The following COBLL1 variants were observed in gnomAD, a reference collection of about 807,000 sequenced individuals.
COBLL1 encodes cordon-bleu WH2 repeat protein like 1.
In COBLL1, 50 loss-of-function variants were observed where a neutral mutation model predicts 94.8. The observed-to-expected ratio is 0.53, with a 90% CI of 0.42 to 0.67. The LOEUF (loss-of-function observed/expected upper bound fraction) is 0.67, where lower values mean the gene tolerates loss of function less well. COBLL1 is among the 30% of genes least tolerant of loss of function. The probability of loss-of-function intolerance (pLI) is 0.00; values close to 1 mark genes in which losing one functional copy is unlikely to be tolerated. For synonymous variants in COBLL1, 448 were observed against 473.8 expected (o/e 0.95, Z 0.71); for missense variants, 1,362 against 1,348.7 (o/e 1.01, Z -0.15).
chr2:164,727,985 C>T lies in COBLL1; in HGVS notation c.645G>A (p.Ala215=), dbSNP rs1335545333. 1.7e-5 allele frequency: 27 copies of T among 1,605,378 alleles called. No homozygotes were observed. The highest frequency in any genetic ancestry group is 8.3e-5 in the Admixed American group (5 of 59,952). The change falls in exon 5 of 14, where the codon GCG becomes GCA. Residue 215 remains alanine (A), a synonymous_variant. Coordinates refer to ENST00000652658, the MANE Select transcript of COBLL1 (RefSeq NM_001365672.2). ...CTTACTTACCTCTGTTGACATCCAT[C>T]GCATATAATTCTCTTAGTCCCAGGT... ...LNDLGLRELY[A]MDVNRESCQI... is the part of the protein sequence containing the mutation.
chr2:164,726,188 T>G (rs767680461), intron 5 of COBLL1, among the ~76,000 whole-genome samples: 4 of 152,170 alleles, frequency 2.6e-5, no homozygotes, highest in South Asian at 4.1e-4. Context: ...ATTATGCAGA[T>G]AGAGAGTGGC....
intron 2 of COBLL1, among the ~76,000 whole-genome samples, chr2:164,752,891 G>A (rs411069): frequency 0.22 from 33,459 of 152,030 alleles, 4,111 homozygotes; most frequent in African/African-American, 0.33. Context: ...TACAGGTATT[G>A]AACAAGATGA....
At chr2:164,818,574 A>G (rs917764814) in intron 2 of COBLL1, among the ~76,000 whole-genome samples, 1 of 148,668 alleles carries the variant, frequency 6.7e-6, no homozygotes, top group Non-Finnish European at 1.5e-5. Flanking sequence ...TATATAGCAT[A>G]TATGTACATA....
At chr2:164,831,722 G>T (rs1254994250) in intron 2 of COBLL1, among the ~76,000 whole-genome samples, 1 of 151,862 alleles carries the variant, frequency 6.6e-6, no homozygotes, top group African/African-American at 2.4e-5. Context: ...CACAGACCAG[G>T]AAATACAGGT....
intron 7 of COBLL1, among the ~76,000 whole-genome samples, chr2:164,716,466 A>G (rs1031222828): frequency 1.3e-5 from 2 of 152,204 alleles, no homozygotes; most frequent in Non-Finnish European, 2.9e-5. Flanking sequence ...TTCATAGAAG[A>G]TGATATATTC....
Position 164,733,143 on chromosome 2 carries a change from G to A in COBLL1, c.231-3028C>T, listed in dbSNP as rs59974719. The stretch of plus-strand genomic sequence containing the variant: ...CTATTTTTGTGCCATAATTTTCATC[G>A]TTTATGTATAAACATATAAACATTT... On this transcript the variant is annotated intron_variant, in intron 3 of 13. Transcript: ENST00000652658. 3.9e-3 allele frequency among the ~76,000 whole-genome samples: 591 copies of A among 152,142 alleles called. 3 individuals carry two copies. The highest frequency in any genetic ancestry group is 0.013 in the African/African-American group (546 of 41,500).
intron 3 of COBLL1, among the ~76,000 whole-genome samples, chr2:164,733,679 T>G (rs999353733): frequency 2.0e-5 from 3 of 152,200 alleles, no homozygotes; most frequent in African/African-American, 7.2e-5. Context: ...TAAGTGGTAC[T>G]GGGAAAACTA....
intron 2 of COBLL1, among the ~76,000 whole-genome samples, chr2:164,839,276 G>T (rs1342857080): frequency 1.3e-5 from 2 of 152,144 alleles, no homozygotes; most frequent in Admixed American, 6.5e-5. Context: ...TTTAAGCAAA[G>T]AACTTATCAG....
intron 2 of COBLL1, among the ~76,000 whole-genome samples, chr2:164,751,832 C>T (rs559008445): frequency 6.6e-6 from 1 of 152,172 alleles, no homozygotes; most frequent in Admixed American, 6.5e-5. Context: ...TTGGGACTGA[C>T]AAAATTTTAG....
At chr2:164,795,528 A>AC (rs1559023790) in intron 2 of COBLL1, among the ~76,000 whole-genome samples, 2 of 152,164 alleles carry the variant, frequency 1.3e-5, no homozygotes, top group South Asian at 2.1e-4. Context: ...TTGACCAATG[A>AC]CCCGCTCCCA....
At chr2:164,820,511 G>A (rs776770800) in intron 2 of COBLL1, among the ~76,000 whole-genome samples, 7 of 152,078 alleles carry the variant, frequency 4.6e-5, no homozygotes, top group African/African-American at 1.4e-4. Flanking sequence ...ATGAGTCACC[G>A]CGCCAGGCCT....
intron 13 of COBLL1, among the ~76,000 whole-genome samples, chr2:164,686,840 T>C (rs1222883309): frequency 6.6e-6 from 1 of 152,194 alleles, no homozygotes; most frequent in Non-Finnish European, 1.5e-5. Flanking sequence ...ATTTGACTAA[T>C]TTAGATTCAT....
At chr2:164,776,357 C>A (rs954558674) in intron 2 of COBLL1, among the ~76,000 whole-genome samples, 1 of 152,052 alleles carries the variant, frequency 6.6e-6, no homozygotes, top group African/African-American at 2.4e-5. Context: ...TTTGTTCCAG[C>A]AACACTGGCT....
rs746858729 is a variant in COBLL1, at chr2:164,692,381, T to C, written c.3140A>G (p.His1047Arg). The C allele has an allele frequency of 1.9e-6, 3 of 1,603,502 alleles. No homozygotes were observed. In the South Asian group the frequency reaches 3.4e-5, roughly 18 times the overall value. ...TGGTATTTGGGAATTCTGTTCATTA[T>C]GTGCAGAGTTATTTTCCTACAAAAA... ...GVSDKENNSA[H>R]NEQNSQIPTP... Residue 1047 changes from histidine to arginine, a missense_variant, in exon 13 of 14, where the codon CAT becomes CGT. His to Arg is a conservative substitution (Grantham distance 29). Coordinates refer to ENST00000652658, the MANE Select transcript of COBLL1 (RefSeq NM_001365672.2).
rs149233854 is a variant in COBLL1 at position 164,753,193 on chromosome 2, C to T, written c.42-9318G>A. 5.1e-3 allele frequency among the ~76,000 whole-genome samples: 770 copies of T among 152,218 alleles called. 21 individuals carry two copies. The highest frequency in any genetic ancestry group is 0.046 in the Admixed American group (706 of 15,286). On this transcript the variant is annotated intron_variant, in intron 2 of 13. Coordinates refer to ENST00000652658, the MANE Select transcript of COBLL1 (RefSeq NM_001365672.2). The stretch of plus-strand genomic sequence containing the variant: ...TTCCAAGTGCTTTTCTCTCTCTTGG[C>T]ATTCACACTAGGAAAAAATGATAAA...
At chr2:164,760,851 CTATT>C (rs1687646940) in intron 2 of COBLL1, among the ~76,000 whole-genome samples, 1 of 152,164 alleles carries the variant, frequency 6.6e-6, no homozygotes, top group Non-Finnish European at 1.5e-5. Context: ...CAGTTCGTAC[CTATT>C]TAAAGTAAAC....
intron 2 of COBLL1, among the ~76,000 whole-genome samples, chr2:164,745,677 T>C (rs977549659): frequency 9.2e-5 from 14 of 152,126 alleles, no homozygotes; most frequent in African/African-American, 2.7e-4. Flanking sequence ...AAACACAACT[T>C]TCTTAGGAAT....
Position 164,694,338 on chromosome 2 carries a change from G to A in COBLL1, c.3054C>T (p.Asn1018=), listed in dbSNP as rs748105037. The part of the protein sequence containing the change: ...SASALVQPPA[N]TEEGKTHSVN... ...CAGAATGAGTCTTCCCTTCCTCTGTGTTGGCTGGAGGTTGGACCAATGCAC... is the reference window on the plus strand; with the variant it reads ...CAGAATGAGTCTTCCCTTCCTCTGTATTGGCTGGAGGTTGGACCAATGCAC... The change falls in exon 12 of 14, where the codon AAC becomes AAT. Residue 1018 remains asparagine (N), a synonymous_variant. Coordinates refer to ENST00000652658, the MANE Select transcript of COBLL1 (RefSeq NM_001365672.2). 3.7e-6 allele frequency: 6 copies of A among 1,613,938 alleles called. No homozygotes were observed. The highest frequency in any genetic ancestry group is 5.1e-6 in the Non-Finnish European group (6 of 1,179,868).
intron 2 of COBLL1, among the ~76,000 whole-genome samples, chr2:164,752,426 CA>C (rs1370040558): frequency 9.4e-6 from 1 of 106,132 alleles, no homozygotes; most frequent in Non-Finnish European, 2.1e-5. Flanking sequence ...TCAAAATAAA[CA>C]AAAACAACAA....
Sources: allele counts gnomAD v4.1 joint callset (sites outside exome capture counted in the v4.1 genomes callset), GRCh38; gene constraint gnomAD v4.1.1; transcripts MANE v1.5; gene names NCBI Gene and HGNC (gene_info 2026-07-23, HGNC 2026-07-21).